Variants in TBC1D19 observed in about 807,000 individuals in gnomAD.
The protein encoded by TBC1D19 is TBC1 domain family member 19, also known as TBC1 domain family, member 19.
TBC1D19 carries 60 observed loss-of-function variants against 89.0 expected under a neutral mutation model. The observed-to-expected ratio is 0.67, with a 90% CI of 0.55 to 0.84. The LOEUF is 0.84. Among genes scored for constraint, TBC1D19 ranks in the 40% least tolerant of loss-of-function variants. The probability of loss-of-function intolerance (pLI) is 0.00; values close to 1 mark genes in which losing one functional copy is unlikely to be tolerated. For missense variants in TBC1D19, 500 were observed against 610.8 expected (o/e 0.82, Z 1.91); for synonymous variants, 189 against 199.7 (o/e 0.95, Z 0.45).
the TBC1D19 span, among the ~76,000 whole-genome samples, chr4:26,778,205 G>A: frequency 3.0e-4 from 45 of 152,064 alleles, no homozygotes; most frequent in Non-Finnish European, 5.6e-4. Flanking sequence ...CACAAGGTCA[G>A]GAGTTTGAGA....
At chr4:26,700,783 C>T (rs1297448054) in intron 13 of TBC1D19, among the ~76,000 whole-genome samples, 1 of 152,142 alleles carries the variant, frequency 6.6e-6, no homozygotes, top group African/African-American at 2.4e-5. Flanking sequence ...TATTTTATTA[C>T]ATTTCTTTAC....
intron 3 of TBC1D19, among the ~76,000 whole-genome samples, chr4:26,618,558 A>G (rs566191984): frequency 7.2e-5 from 11 of 152,368 alleles, no homozygotes; most frequent in African/African-American, 2.6e-4. Context: ...AAGACTTTGT[A>G]GACTGGATCC....
chr4:26,690,481 C>G (rs1218380584), intron 13 of TBC1D19, among the ~76,000 whole-genome samples: 1 of 152,182 alleles, frequency 6.6e-6, no homozygotes, highest in East Asian at 1.9e-4. Flanking sequence ...GTCTTCAAAG[C>G]TTCAAAGGAT....
At chr4:26,719,251 C>T (rs1358968182) in intron 14 of TBC1D19, among the ~76,000 whole-genome samples, 7 of 152,068 alleles carry the variant, frequency 4.6e-5, no homozygotes, top group African/African-American at 9.7e-5. Context: ...ATTCCATTCT[C>T]TTCTTGCTCA....
At chr4:26,777,618 T>C in the TBC1D19 span, among the ~76,000 whole-genome samples, 32 of 152,182 alleles carry the variant, frequency 2.1e-4, no homozygotes, top group Non-Finnish European at 4.0e-4. Flanking sequence ...TGGCTAATTT[T>C]TGTACTTTTT....
At chr4:26,826,900 G>A in the TBC1D19 span, among the ~76,000 whole-genome samples, 7 of 152,122 alleles carry the variant, frequency 4.6e-5, no homozygotes, top group East Asian at 5.8e-4. Flanking sequence ...TTATGAAACC[G>A]GAAAGAACCT....
intron 16 of TBC1D19, among the ~76,000 whole-genome samples, chr4:26,736,846 CT>C (rs547930629): frequency 2.3e-3 from 349 of 152,256 alleles, no homozygotes; most frequent in Non-Finnish European, 3.9e-3. Flanking sequence ...CTTGAGAGCT[CT>C]GAGTGTCTCT....
the TBC1D19 span, among the ~76,000 whole-genome samples, chr4:26,835,630 T>A: frequency 6.6e-6 from 1 of 152,150 alleles, no homozygotes; most frequent in South Asian, 2.1e-4. Flanking sequence ...AATCTACCAT[T>A]TCTTTCCATT....
At chr4:26,797,500 A>G in the TBC1D19 span, among the ~76,000 whole-genome samples, 2,326 of 152,326 alleles carry the variant, frequency 0.015, 45 homozygotes, top group African/African-American at 0.049. Flanking sequence ...TGCGATCCCT[A>G]TTAAATTACC....
intron 15 of TBC1D19, among the ~76,000 whole-genome samples, chr4:26,725,105 T>C (rs1045596803): frequency 6.6e-6 from 1 of 152,152 alleles, no homozygotes; most frequent in Non-Finnish European, 1.5e-5. Flanking sequence ...AAGATCCCCC[T>C]GGTACCAGCA....
the TBC1D19 span, among the ~76,000 whole-genome samples, chr4:26,796,887 T>C: frequency 6.6e-6 from 1 of 152,216 alleles, no homozygotes. Flanking sequence ...TTGGAGGTTA[T>C]AGAAATGTTC....
intron 1 of TBC1D19, among the ~76,000 whole-genome samples, chr4:26,587,882 T>C (rs922862847): frequency 5.9e-5 from 9 of 152,070 alleles, no homozygotes; most frequent in African/African-American, 1.9e-4. Context: ...AGTTTTTATG[T>C]TTCAAGAAGT....
intron 17 of TBC1D19, chr4:26,740,601 CTT>C (rs952933358): frequency 1.0e-6 from 1 of 957,560 alleles, no homozygotes; most frequent in Non-Finnish European, 1.2e-6. Flanking sequence ...AATCTGTTCT[CTT>C]TTGGCTGTTC....
intron 15 of TBC1D19, among the ~76,000 whole-genome samples, chr4:26,730,398 T>C (rs1388021767): frequency 1.3e-5 from 2 of 152,208 alleles, no homozygotes; most frequent in African/African-American, 4.8e-5. Context: ...ATTGTGCTAA[T>C]CATATTGCAT....
At chr4:26,791,778 C>A in the TBC1D19 span, among the ~76,000 whole-genome samples, 4 of 152,188 alleles carry the variant, frequency 2.6e-5, no homozygotes, top group Non-Finnish European at 5.9e-5. Flanking sequence ...GGGACAGGAG[C>A]AGTTTTACTG....
At chr4:26,617,130 A>G (rs1334492074) in intron 3 of TBC1D19, among the ~76,000 whole-genome samples, 1 of 152,200 alleles carries the variant, frequency 6.6e-6, no homozygotes, top group Non-Finnish European at 1.5e-5. Context: ...TGGGAAGTCC[A>G]ATATCAAGGT....
rs763453669 is a variant in TBC1D19, at chr4:26,735,461, T to A, written c.1091T>A (p.Ile364Asn). 6 of 1,556,040 alleles carry A rather than the reference T, an allele frequency of 3.9e-6. No homozygotes were observed. The highest frequency in any genetic ancestry group is 5.2e-6 in the Non-Finnish European group (6 of 1,144,928). ...YAVFYPPNGVIPFHGFSMYVA... is the reference protein window; with the variant it reads ...YAVFYPPNGVNPFHGFSMYVA... ...AATACCTTTTTTTTTTTAGGTGTTA[T>A]CCCTTTTCATGGATTTTCAATGTAT... The change falls in exon 16 of 21, where the codon ATC (isoleucine) becomes AAC (asparagine). Residue 364 changes from isoleucine to asparagine, a missense_variant. Physicochemically the swap from Ile to Asn is moderately radical, Grantham distance 149. This residue lies in a region of TBC1D19 where 220 missense variants were observed against 319.1 expected (regional missense o/e 0.69). Transcript: ENST00000264866.
intron 16 of TBC1D19, among the ~76,000 whole-genome samples, chr4:26,739,364 C>G (rs914029296): frequency 1.3e-5 from 2 of 152,116 alleles, no homozygotes; most frequent in Admixed American, 1.3e-4. Flanking sequence ...TACTCAAAAT[C>G]TTTATTTTCA....
intron 1 of TBC1D19, among the ~76,000 whole-genome samples, chr4:26,610,379 A>G (rs1232010599): frequency 6.6e-6 from 1 of 151,772 alleles, no homozygotes; most frequent in Non-Finnish European, 1.5e-5. Context: ...CGTTTCTGAT[A>G]ACATGATATT....
Sources: allele counts gnomAD v4.1 joint callset (sites outside exome capture counted in the v4.1 genomes callset), GRCh38; gene constraint gnomAD v4.1.1; regional missense constraint gnomAD v4.1.1; transcripts MANE v1.5; gene names NCBI Gene and HGNC (gene_info 2026-07-23, HGNC 2026-07-21).